BCAM: variants seen among roughly 807,000 people sequenced by gnomAD.
BCAM encodes the protein basal cell adhesion molecule (Lutheran blood group), also known as basal cell adhesion molecule.
BCAM carries 61 observed loss-of-function variants against 72.4 expected under a neutral mutation model. The ratio of observed to expected loss-of-function variants is 0.84; its 90% CI spans 0.69 to 1.04. The LOEUF (loss-of-function observed/expected upper bound fraction) is 1.04. BCAM is among the 50% of genes least tolerant of loss of function. BCAM has a pLI of 0.00. For synonymous variants in BCAM, 408 were observed against 384.2 expected, an observed-to-expected ratio of 1.06 and a Z score of -0.73; for missense variants, 909 against 895.0, an observed-to-expected ratio of 1.02 and a Z score of -0.20.
Position 44,813,212 on chromosome 19 carries a change from C to T in BCAM, c.505-38C>T. 2 of 1,607,338 alleles carry T rather than the reference C, an allele frequency of 1.2e-6. No individual in the cohort carries two copies. The highest frequency in any genetic ancestry group is 2.2e-5 in the East Asian group (1 of 44,842). On this transcript the variant is annotated intron_variant, in intron 4 of 14. Transcript: ENST00000270233. The surrounding 1 kb of genome is among the most constrained non-coding windows in gnomAD (Gnocchi z 4.2). ...GAGAGGAGCCCCGACTTCAGAGTCC[C>T]AGCTCCAAGCCCAGGGCCATGCCCG...
At position 44,818,776 on chromosome 19, in the gene BCAM, G is replaced by T. The variant is rs371664685; in HGVS notation, c.1230G>T (p.Ser410=). Residue 410 remains serine, a synonymous_variant, in exon 10 of 15, where the codon TCG becomes TCT. Transcript: ENST00000270233. The surrounding 1 kb of genome is among the most constrained non-coding windows in gnomAD (Gnocchi z 4.6). The part of the protein sequence containing the change: ...STPLGDGPML[S]LSSITFDSNG... ...CCCTGGGCGATGGCCCCATGCTGTCGCTCAGTTCTATCACCTTCGATTCCA... is the reference window on the plus strand; with the variant it reads ...CCCTGGGCGATGGCCCCATGCTGTCTCTCAGTTCTATCACCTTCGATTCCA... The T allele has an allele frequency of 4.3e-6, 7 of 1,614,064 alleles. No homozygotes were observed. The highest frequency in any genetic ancestry group is 5.9e-6 in the Non-Finnish European group (7 of 1,180,004).
rs972107158 is a variant in BCAM, at chr19:44,819,292, C to A, written c.1474-54C>A. 5.0e-6 allele frequency: 8 copies of A among 1,612,384 alleles called. No homozygotes were observed. In the African/African-American group the frequency reaches 5.3e-5, roughly 11 times the overall value. On this transcript the variant is annotated intron_variant, in intron 11 of 14. Coordinates refer to ENST00000270233, the MANE Select transcript of BCAM (RefSeq NM_005581.5). ...GAGACTGGACGTCGTTCACCTCTGC[C>A]CTTGACCCCACCCCTTGACCCCACC... is the stretch of plus-strand genomic sequence containing the variant.
intron 2 of BCAM, chr19:44,811,718 C>G (rs28399652): frequency 0.022 from 6,309 of 290,876 alleles, 129 homozygotes; most frequent in South Asian, 0.046. Context: ...AACCCCGTCT[C>G]TACTAAAAAT....
intron 1 of BCAM, 75 bp from the exon 2 acceptor site, chr19:44,811,150 T>G: frequency 6.2e-7 from 1 of 1,601,676 alleles, no homozygotes; most frequent in Non-Finnish European, 8.5e-7. Context: ...GCTTGTGTCC[T>G]GGGGGAGAGG....
chr19:44,814,852 T>C lies in BCAM; in HGVS notation c.1078+92T>C. The C allele has an allele frequency of 7.5e-7, 1 of 1,325,392 alleles. No individual in the cohort carries two copies. Among genetic ancestry groups the C allele is most frequent in the Non-Finnish European group, 9.9e-7 (1 of 1,009,710 alleles). 82.1% of individuals were successfully genotyped at this position (1,325,392 alleles called of 1,614,324 possible). Reference sequence around the variant, plus strand: ...CTACAGCCCTGAAGTTGCTCTGTCATCCCAAACACTCTGCCTTCAACCCTT... The same window carrying C: ...CTACAGCCCTGAAGTTGCTCTGTCACCCCAAACACTCTGCCTTCAACCCTT... On this transcript the variant is annotated intron_variant, in intron 8 of 14. Coordinates refer to ENST00000270233, the MANE Select transcript of BCAM (RefSeq NM_005581.5). This position sits in a 1 kb window ranked among gnomAD's most constrained non-coding sequence, Gnocchi z 4.6.
rs1968461451 is a variant in BCAM at position 44,813,586 on chromosome 19, C to T, written c.750C>T (p.Arg250=). The T allele has an allele frequency of 6.2e-7, 1 of 1,612,524 alleles. No individual in the cohort carries two copies. Among genetic ancestry groups the T allele is most frequent in the African/African-American group, 1.3e-5 (1 of 74,944 alleles). ...GCCTGCCCGAGGGCCGCCACGGCCG[C>T]CTGGACAGCCCCACCTTCCACCTCA... The part of the protein sequence containing the change: ...HYSLPEGRHG[R]LDSPTFHLTL... The change falls in exon 6 of 15, where the codon CGC becomes CGT. Residue 250 remains arginine (R), a synonymous_variant. Transcript: ENST00000270233. The surrounding 1 kb of genome is among the most constrained non-coding windows in gnomAD (Gnocchi z 4.2).
chr19:44,821,058 G>C lies in BCAM; in HGVS notation c.*137G>C. 8.4e-7 allele frequency: 1 copy of C among 1,192,182 alleles called. No individual in the cohort carries two copies. The highest frequency in any genetic ancestry group is 1.1e-6 in the Non-Finnish European group (1 of 923,270). The allele number at this position is 1,192,182 out of a possible 1,614,324, so 73.9% of individuals were successfully genotyped here. ...TGCCCAGCCCTCCCTTCCTTCCTCTGCCGGCAAGGCAGGGACCCACAGTGG... is the reference window on the plus strand; with the variant it reads ...TGCCCAGCCCTCCCTTCCTTCCTCTCCCGGCAAGGCAGGGACCCACAGTGG... On this transcript the variant is annotated 3_prime_UTR_variant, in exon 15 of 15. Transcript: ENST00000270233.
In BCAM at chr19:44,812,855, C is replaced by A; in HGVS notation, c.504+307C>A. 2.3e-6 allele frequency: 1 copy of A among 432,902 alleles called. No homozygotes were observed. Among genetic ancestry groups the A allele is most frequent in the Non-Finnish European group, 4.1e-6 (1 of 242,032 alleles). 26.8% of individuals were successfully genotyped at this position (432,902 alleles called of 1,614,324 possible). ...ATCCCAGCTGCTCGGGAGGCTGAGA[C>A]AGGAGAATCACTCGAACCCAGAAGG... On this transcript the variant is annotated intron_variant, in intron 4 of 14. Coordinates refer to ENST00000270233, the MANE Select transcript of BCAM (RefSeq NM_005581.5). This position sits in a 1 kb window ranked among gnomAD's most constrained non-coding sequence, Gnocchi z 5.3.
At chr19:44,820,498 A>G in intron 13 of BCAM, 1 of 1,263,242 alleles carries the variant, frequency 7.9e-7, no homozygotes, top group East Asian at 3.1e-5. Context: ...CTCCAACCCC[A>G]ATAGCATCTG....
Position 44,813,726 on chromosome 19 carries a change from A to C in BCAM, c.784+106A>C, listed in dbSNP as rs1458522816. On this transcript the variant is annotated intron_variant, in intron 6 of 14. Coordinates refer to ENST00000270233, the MANE Select transcript of BCAM (RefSeq NM_005581.5). The surrounding 1 kb of genome is among the most constrained non-coding windows in gnomAD (Gnocchi z 4.2). ...CTCCCCTCTGACCCTCTGCCTCCCT[A>C]CTTCATGCTAAAAAAAAATGTGCTA... 12 of 1,417,208 alleles carry C rather than the reference A, an allele frequency of 8.5e-6. No homozygotes were observed. Among genetic ancestry groups the C allele is most frequent in the Middle Eastern group, 3.9e-4 (2 of 5,126 alleles). 87.8% of individuals were successfully genotyped at this position (1,417,208 alleles called of 1,614,324 possible). A position where few individuals can be genotyped will look rare whatever the true frequency, so the allele number is the denominator to read the frequency against.
rs1262729541 is a variant in BCAM, at chr19:44,812,333, C to G, written c.375C>G (p.Cys125Trp). ...TGGGCGACGAGCGAGACTACGTGTG[C>G]GTGGTGAGGGCAGGGGCGGCAGGCA... Reference protein sequence around the residue: ...AQVGDERDYVCVVRAGAAGTA... With the variant: ...AQVGDERDYVWVVRAGAAGTA... Residue 125 changes from cysteine to tryptophan, a missense_variant, in exon 3 of 15, where the codon TGC becomes TGG. Coordinates refer to ENST00000270233, the MANE Select transcript of BCAM (RefSeq NM_005581.5). This position sits in a 1 kb window ranked among gnomAD's most constrained non-coding sequence, Gnocchi z 5.3. 2 of 1,613,052 alleles carry G rather than the reference C, an allele frequency of 1.2e-6. No homozygotes were observed. The highest frequency in any genetic ancestry group is 1.7e-6 in the Non-Finnish European group (2 of 1,179,458).
Position 44,818,735 on chromosome 19 carries a change from TCCCAGGA to T in BCAM, c.1195-4_1197del. ...CAGCGTCCTCCTCCTCCTCTGCCCT[TCCCAGGA>T]CTCCACTCCCCTGGGCGATGGCCCC... On this transcript the variant is annotated splice_acceptor_variant and splice_polypyrimidine_tract_variant and coding_sequence_variant and intron_variant, in exon 10 of 15. Transcript: ENST00000270233. LOFTEE classifies it high-confidence loss of function. The surrounding 1 kb of genome is among the most constrained non-coding windows in gnomAD (Gnocchi z 4.6). 6.2e-7 allele frequency: 1 copy of T among 1,613,948 alleles called. No homozygotes were observed. Among genetic ancestry groups the T allele is most frequent in the Non-Finnish European group, 8.5e-7 (1 of 1,179,954 alleles).
chr19:44,811,900 G>T (rs1050604201), intron 2 of BCAM: 1 of 539,134 alleles, frequency 1.9e-6, no homozygotes, highest in Non-Finnish European at 3.2e-6. Flanking sequence ...AAAGAGGAAA[G>T]AAAATGAGAG....
chr19:44,811,892 A>G lies in BCAM; in HGVS notation c.205-271A>G, dbSNP rs540627350. The G allele has an allele frequency of 1.9e-5, 10 of 527,476 alleles. No homozygotes were observed. In the Admixed American group the frequency reaches 3.5e-4, roughly 18 times the overall value. The allele number at this position is 527,476 out of a possible 1,614,324, so 32.7% of individuals were successfully genotyped here. A position where few individuals can be genotyped will look rare whatever the true frequency, so the allele number is the denominator to read the frequency against. ...GAGCAAGACTCTATCTCAAAAAAAA[A>G]GAGGAAAGAAAATGAGAGACAATCG... On this transcript the variant is annotated intron_variant, in intron 2 of 14. Transcript: ENST00000270233.
At chr19:44,819,314 C>T (rs1599889497) in intron 11 of BCAM, 32 bp from the exon 12 acceptor site, 4 of 1,613,494 alleles carry the variant, frequency 2.5e-6, no homozygotes, top group Non-Finnish European at 3.4e-6. Flanking sequence ...CCCTTGACCC[C>T]ACCAGCCGGG....
rs1968466493 is a variant in BCAM at position 44,813,937 on chromosome 19, A to G, written c.785-215A>G. On this transcript the variant is annotated intron_variant, in intron 6 of 14. Coordinates refer to ENST00000270233, the MANE Select transcript of BCAM (RefSeq NM_005581.5). This position sits in a 1 kb window ranked among gnomAD's most constrained non-coding sequence, Gnocchi z 4.2. ...CAAGTCTCACACTGACCCATCGCCC[A>G]TACGGACCTCTGACTCTTGACCTAT... Among the ~76,000 whole-genome samples the G allele has an allele frequency of 1.3e-5, 2 of 152,150 alleles. No homozygotes were observed. The highest frequency in any genetic ancestry group is 4.8e-5 in the African/African-American group (2 of 41,440).
In BCAM at chr19:44,819,628, C is replaced by T. The variant is rs767093928; in HGVS notation, c.1665C>T (p.Ala555=). Residue 555 remains alanine, a synonymous_variant, in exon 13 of 15, where the codon GCC becomes GCT. Transcript: ENST00000270233. ...CTGGAGTGGCCGTCATGGCCGTGGC[C>T]GTCAGCGTGGGCCTCCTGCTCCTCG... ...SQAGVAVMAV[A]VSVGLLLLVV... is the part of the protein sequence containing the mutation. 1.8e-5 allele frequency: 29 copies of T among 1,613,466 alleles called. No individual in the cohort carries two copies. The highest frequency in any genetic ancestry group is 6.6e-5 in the South Asian group (6 of 91,076).
chr19:44,819,538 AGCCCACTGCCTGACCCAC>A lies in BCAM; in HGVS notation c.1619-40_1619-23del. 3.7e-6 allele frequency: 6 copies of A among 1,613,080 alleles called. No individual in the cohort carries two copies. In the South Asian group the frequency reaches 6.6e-5, roughly 18 times the overall value. On this transcript the variant is annotated intron_variant, in intron 12 of 14. Transcript: ENST00000270233. The stretch of plus-strand genomic sequence containing the variant: ...GAGGAGCCGGGTGTGGGGCAGACAG[AGCCCACTGCCTGACCCAC>A]GCCTCTCTCCATCCTGTCCCTGCAG...
chr19:44,819,129 A>T lies in BCAM; in HGVS notation c.1410A>T (p.Thr470=). The change falls in exon 11 of 15, where the codon ACA becomes ACT. Residue 470 remains threonine (T), a synonymous_variant. Transcript: ENST00000270233. The part of the protein sequence containing the change: ...DGSWREGDEV[T]LICSARGHPD... ...GCTGGAGGGAAGGAGACGAAGTCAC[A>T]CTCATCTGCTCTGCCCGCGGCCATC... 6.2e-7 allele frequency: 1 copy of T among 1,613,886 alleles called. No individual in the cohort carries two copies. The highest frequency in any genetic ancestry group is 8.5e-7 in the Non-Finnish European group (1 of 1,179,938).
Sources: gnomAD v4.1 joint callset for allele counts (sites outside exome capture counted in the v4.1 genomes callset) on GRCh38, gnomAD v4.1.1 for gene constraint, Gnocchi (gnomAD v3.1) non-coding constraint, MANE v1.5 for transcripts, NCBI Gene and HGNC (gene_info 2026-07-23, HGNC 2026-07-21) for gene names.